The following NTRK2 variants were observed in gnomAD, a reference collection of about 807,000 sequenced individuals.
The protein encoded by NTRK2 is neurotrophic receptor tyrosine kinase 2.
In NTRK2, 13 loss-of-function variants were observed where a neutral mutation model predicts 94.5. That is an observed-to-expected ratio of 0.14 (90% confidence interval 0.09 to 0.22). The LOEUF (loss-of-function observed/expected upper bound fraction) is 0.22. Among genes scored for constraint, NTRK2 ranks in the 10% least tolerant of loss-of-function variants. The pLI is 1.00. For missense variants in NTRK2, 639 were observed against 1,071.2 expected (o/e 0.60, Z 5.63); for synonymous variants, 372 against 407.4 (o/e 0.91, Z 1.05).
At chr9:84,925,888 A>G (rs1472007745) in intron 14 of NTRK2, among the ~76,000 whole-genome samples, 1 of 152,098 alleles carries the variant, frequency 6.6e-6, no homozygotes, top group Non-Finnish European at 1.5e-5. Flanking sequence ...CACATATATA[A>G]TGTAAAATCA....
intron 17 of NTRK2, among the ~76,000 whole-genome samples, chr9:84,993,977 G>T (rs1829418055): frequency 6.6e-6 from 1 of 152,052 alleles, no homozygotes; most frequent in South Asian, 2.1e-4. Context: ...TTAAGCCTTT[G>T]TGCAAACCAA....
At chr9:84,917,651 A>G (rs2077434553) in intron 14 of NTRK2, among the ~76,000 whole-genome samples, 2 of 152,202 alleles carry the variant, frequency 1.3e-5, no homozygotes, top group Non-Finnish European at 2.9e-5. Context: ...GATTTTTCCA[A>G]GAGCAGGCAG....
chr9:84,735,859 C>A (rs1228487069), intron 9 of NTRK2, among the ~76,000 whole-genome samples: 1 of 152,162 alleles, frequency 6.6e-6, no homozygotes. Flanking sequence ...TACATGGAGA[C>A]TGAGTGGAGA....
At chr9:84,902,653 A>G (rs1397773910) in intron 14 of NTRK2, among the ~76,000 whole-genome samples, 1 of 152,222 alleles carries the variant, frequency 6.6e-6, no homozygotes, top group Admixed American at 6.5e-5. Context: ...ACAAAGAGGG[A>G]TAAGTCATTC....
At chr9:84,790,734 T>G (rs559299131) in intron 12 of NTRK2, among the ~76,000 whole-genome samples, 3 of 152,228 alleles carry the variant, frequency 2.0e-5, no homozygotes, top group African/African-American at 7.2e-5. Context: ...GTAGCCTTTC[T>G]TTGTGGGAAT....
At chr9:84,675,615 T>C (rs1040259387) in intron 2 of NTRK2, among the ~76,000 whole-genome samples, 5 of 152,218 alleles carry the variant, frequency 3.3e-5, no homozygotes, top group South Asian at 2.1e-4. Context: ...GGAGAGACTA[T>C]TGAAGCATGG....
Position 84,763,374 on chromosome 9 carries a change from C to T in NTRK2, c.1396+11289C>T, listed in dbSNP as rs140877345. ...CCCTCACTGACTCTCTTCCTATTTCCTATGGGGACAGGAAGAACATGAAAA... is the reference window on the plus strand; with the variant it reads ...CCCTCACTGACTCTCTTCCTATTTCTTATGGGGACAGGAAGAACATGAAAA... On this transcript the variant is annotated intron_variant, in intron 12 of 18. Coordinates refer to ENST00000277120, the MANE Select transcript of NTRK2 (RefSeq NM_006180.6). Among the ~76,000 whole-genome samples the T allele has an allele frequency of 2.6e-4, 40 of 152,190 alleles. No homozygotes were observed. The East Asian group carries it at 7.2e-3, about 27-fold the overall frequency.
At chr9:84,794,800 C>A (rs112857149) in intron 12 of NTRK2, among the ~76,000 whole-genome samples, 3 of 152,108 alleles carry the variant, frequency 2.0e-5, no homozygotes, top group African/African-American at 7.2e-5. Context: ...GAATTTTTTT[C>A]TCCATGTCTT....
At chr9:84,802,160 A>C (rs2070545267) in intron 12 of NTRK2, among the ~76,000 whole-genome samples, 1 of 152,220 alleles carries the variant, frequency 6.6e-6, no homozygotes, top group South Asian at 2.1e-4. Context: ...TATTTTAAAA[A>C]ATCTAAAATG....
At chr9:84,782,037 AACACACAC>A (rs58851217) in intron 12 of NTRK2, among the ~76,000 whole-genome samples, 84,864 of 149,546 alleles carry the variant, frequency 0.57, 25,361 homozygotes, top group South Asian at 0.68. Context: ...CCTCCAAGAA[AACACACAC>A]ACACACACAC....
At chr9:84,984,039 A>G (rs543541342) in intron 17 of NTRK2, among the ~76,000 whole-genome samples, 1 of 152,304 alleles carries the variant, frequency 6.6e-6, no homozygotes, top group Admixed American at 6.5e-5. Context: ...ATCATATCCA[A>G]AATAGTAATG....
chr9:85,023,039 A>G lies in NTRK2; in HGVS notation c.*1602A>G. On this transcript the variant is annotated 3_prime_UTR_variant, in exon 19 of 19. Coordinates refer to ENST00000277120, the MANE Select transcript of NTRK2 (RefSeq NM_006180.6). ...TTTTTGTTTCCTTCACTCCATTCAA[A>G]AAGTCAAAATACAAAATTTGGCACA... 1 of 233,136 alleles carries G rather than the reference A, an allele frequency of 4.3e-6. No individual in the cohort carries two copies. The highest frequency in any genetic ancestry group is 6.0e-5 in the East Asian group (1 of 16,572). 14.4% of individuals were successfully genotyped at this position (233,136 alleles called of 1,614,324 possible). A position where few individuals can be genotyped will look rare whatever the true frequency, so the allele number is the denominator to read the frequency against.
intron 14 of NTRK2, among the ~76,000 whole-genome samples, chr9:84,891,015 T>G (rs1481465131): frequency 6.6e-6 from 1 of 152,212 alleles, no homozygotes; most frequent in Non-Finnish European, 1.5e-5. Context: ...TGGCTTAAAA[T>G]AAGAACAATT....
At chr9:84,710,937 G>GTAATCTT in intron 6 of NTRK2, 146 bp downstream of exon 6, 1 of 765,760 alleles carries the variant, frequency 1.3e-6, no homozygotes, top group Non-Finnish European at 2.2e-6. Flanking sequence ...TTTATGTGCA[G>GTAATCTT]TGTGGAGTAA....
At chr9:84,693,569 G>T (rs1168148536) in intron 2 of NTRK2, among the ~76,000 whole-genome samples, 1 of 152,132 alleles carries the variant, frequency 6.6e-6, no homozygotes, top group African/African-American at 2.4e-5. Flanking sequence ...TGCACTAGAG[G>T]CTGGGTGACA....
intron 12 of NTRK2, among the ~76,000 whole-genome samples, chr9:84,821,689 A>G (rs1228557328): frequency 6.6e-5 from 10 of 151,854 alleles, no homozygotes; most frequent in South Asian, 2.1e-4. Context: ...GGAAACTTCC[A>G]TTTTCCAGGG....
At chr9:84,826,804 T>C (rs141088181) in intron 12 of NTRK2, among the ~76,000 whole-genome samples, 3 of 152,236 alleles carry the variant, frequency 2.0e-5, no homozygotes, top group African/African-American at 7.2e-5. Flanking sequence ...CACTCATTCA[T>C]TCATTTAATA....
At chr9:84,796,002 T>C (rs937815009) in intron 12 of NTRK2, among the ~76,000 whole-genome samples, 2 of 152,122 alleles carry the variant, frequency 1.3e-5, no homozygotes, top group African/African-American at 4.8e-5. Flanking sequence ...TAATTTATAG[T>C]TGACCACATC....
chr9:84,826,156 A>G (rs79266294), intron 12 of NTRK2, among the ~76,000 whole-genome samples: 8,832 of 152,276 alleles, frequency 0.058, 369 homozygotes, highest in East Asian at 0.17. Context: ...ATGGTTTACA[A>G]CAACAGAAAT....
Sources: allele counts gnomAD v4.1 joint callset (sites outside exome capture counted in the v4.1 genomes callset), GRCh38; gene constraint gnomAD v4.1.1; transcripts MANE v1.5; gene names NCBI Gene and HGNC (gene_info 2026-07-23, HGNC 2026-07-21).